CEP85L: variants seen among roughly 807,000 people sequenced by gnomAD.
The protein encoded by CEP85L is centrosomal protein 85L, also known as centrosomal protein of 85 kDa-like.
In CEP85L, 60 loss-of-function variants were observed where a neutral mutation model predicts 100.3. The observed-to-expected ratio is 0.60, with a 90% CI of 0.49 to 0.74. The LOEUF (loss-of-function observed/expected upper bound fraction) is 0.74. CEP85L is among the 30% of genes least tolerant of loss of function. The probability of loss-of-function intolerance (pLI) is 0.00; values close to 1 mark genes in which losing one functional copy is unlikely to be tolerated. For synonymous variants in CEP85L, 319 were observed against 322.7 expected (o/e 0.99, Z 0.12); for missense variants, 973 against 936.2 (o/e 1.04, Z -0.51).
In CEP85L at chr6:118,651,200, C is replaced by G. The variant is rs1020514056; in HGVS notation, c.70G>C (p.Ala24Pro). The G allele has an allele frequency of 1.3e-6, 2 of 1,495,418 alleles. No homozygotes were observed. Among genetic ancestry groups the G allele is most frequent in the Non-Finnish European group, 1.8e-6 (2 of 1,129,214 alleles). 92.6% of individuals were successfully genotyped at this position (1,495,418 alleles called of 1,614,324 possible). A position where few individuals can be genotyped will look rare whatever the true frequency, so the allele number is the denominator to read the frequency against. Reference sequence around the variant, plus strand: ...GGGGCGCTGTCCCGTTCCTTACCGGCAGGGAAGCTGCGGGCTCCGCCGGGG... The same window carrying G: ...GGGGCGCTGTCCCGTTCCTTACCGGGAGGGAAGCTGCGGGCTCCGCCGGGG... ...DSPGGARSFP[A>P]GPDYSSAWLP... Residue 24 changes from alanine (A) to proline (P), a missense_variant, in exon 1 of 13, where the codon GCC becomes CCC. Ala to Pro is a conservative substitution (Grantham distance 27). Coordinates refer to ENST00000368491, the MANE Select transcript of CEP85L (RefSeq NM_001042475.3).
At chr6:118,581,082 C>A (rs1472971651) in intron 2 of CEP85L, among the ~76,000 whole-genome samples, 1 of 152,122 alleles carries the variant, frequency 6.6e-6, no homozygotes, top group Non-Finnish European at 1.5e-5. Context: ...CTTCCTTTTG[C>A]ACTGCTAGAA....
intron 2 of CEP85L, among the ~76,000 whole-genome samples, chr6:118,622,155 C>G (rs1398025416): frequency 6.6e-6 from 1 of 152,140 alleles, no homozygotes; most frequent in African/African-American, 2.4e-5. Context: ...GCAGCAGCGG[C>G]CATCTTAGTA....
chr6:118,686,833 C>T (rs72961001), intron 1 of CEP85L, among the ~76,000 whole-genome samples: 6 of 152,314 alleles, frequency 3.9e-5, no homozygotes, highest in Non-Finnish European at 8.8e-5. Flanking sequence ...CACATGGCAA[C>T]CAGAATGGAC....
chr6:118,481,801 C>T lies in CEP85L; in HGVS notation c.1723G>A (p.Glu575Lys). The T allele has an allele frequency of 1.9e-6, 3 of 1,587,390 alleles. No homozygotes were observed. The highest frequency in any genetic ancestry group is 4.6e-5 in the East Asian group (2 of 43,588). ...TACCTCTGAACGGTAGTTACTAACTCCTTTTCTTTCTTTTTCTGGCATATT... is the reference window on the plus strand; with the variant it reads ...TACCTCTGAACGGTAGTTACTAACTTCTTTTCTTTCTTTTTCTGGCATATT... ...QLICQKKKEK[E>K]LVTTVQSLQQ... The change falls in exon 8 of 13, where the codon GAG becomes AAG. Residue 575 changes from glutamate (E) to lysine (K), a missense_variant. Glu to Lys is a moderately conservative substitution (Grantham distance 56). Around this residue, in one of 3 missense-constraint regions of CEP85L, gnomAD observed 890 missense variants for 844.5 expected, o/e 1.05. Coordinates refer to ENST00000368491, the MANE Select transcript of CEP85L (RefSeq NM_001042475.3).
At chr6:118,489,997 G>A (rs12206278) in intron 6 of CEP85L, among the ~76,000 whole-genome samples, 9 of 149,500 alleles carry the variant, frequency 6.0e-5, no homozygotes, top group Non-Finnish European at 6.0e-5. Context: ...ACACACACAC[G>A]CACACACACA....
intron 1 of CEP85L, among the ~76,000 whole-genome samples, chr6:118,669,928 T>C (rs1427232838): frequency 6.7e-6 from 1 of 149,924 alleles, no homozygotes; most frequent in Non-Finnish European, 1.5e-5. Context: ...AACTCATGTG[T>C]AAGAGGAAAG....
intron 6 of CEP85L, among the ~76,000 whole-genome samples, chr6:118,488,942 C>A (rs1774369582): frequency 6.6e-6 from 1 of 152,038 alleles, no homozygotes; most frequent in African/African-American, 2.4e-5. Context: ...ATTGTCAACC[C>A]AGAATAATGT....
At chr6:118,560,532 G>A (rs1779163926) in intron 3 of CEP85L, 1 of 166,952 alleles carries the variant, frequency 6.0e-6, no homozygotes, top group Non-Finnish European at 1.5e-5. Flanking sequence ...GGTGTGGGGA[G>A]TGGGGGAAAG....
chr6:118,517,951 C>A (rs139743799), intron 4 of CEP85L, among the ~76,000 whole-genome samples: 2 of 152,234 alleles, frequency 1.3e-5, no homozygotes, highest in East Asian at 3.9e-4. Flanking sequence ...GAAGGGGTGT[C>A]GAATTTTATC....
At chr6:118,521,489 A>G (rs191068818) in intron 4 of CEP85L, among the ~76,000 whole-genome samples, 26 of 152,302 alleles carry the variant, frequency 1.7e-4, no homozygotes, top group Non-Finnish European at 3.5e-4. Context: ...TGGGTAGGTT[A>G]TTTACTAAAA....
chr6:118,583,971 G>A (rs1423537671), intron 2 of CEP85L, among the ~76,000 whole-genome samples: 2 of 152,302 alleles, frequency 1.3e-5, no homozygotes, highest in East Asian at 1.9e-4. Flanking sequence ...GTTACATCCT[G>A]ACTGTCAATA....
At chr6:118,544,065 T>C (rs928406213) in intron 3 of CEP85L, among the ~76,000 whole-genome samples, 7 of 152,206 alleles carry the variant, frequency 4.6e-5, no homozygotes, top group Admixed American at 1.3e-4. Context: ...AAATCAGTGA[T>C]AGTGCCACCA....
intron 2 of CEP85L, among the ~76,000 whole-genome samples, chr6:118,612,639 C>T (rs1207639756): frequency 4.4e-5 from 5 of 112,372 alleles, no homozygotes; most frequent in Admixed American, 1.3e-4. Context: ...CTAGCCTGGG[C>T]GACAGAGTGA....
At chr6:118,673,445 C>G (rs1776380942) in intron 1 of CEP85L, among the ~76,000 whole-genome samples, 1 of 152,214 alleles carries the variant, frequency 6.6e-6, no homozygotes, top group African/African-American at 2.4e-5. Context: ...GTCCCACCAG[C>G]AACTGTAGAA....
chr6:118,649,736 G>GA (rs11372769), intron 1 of CEP85L, among the ~76,000 whole-genome samples: 104,789 of 150,556 alleles, frequency 0.7, 37,072 homozygotes, highest in Non-Finnish European at 0.75. Flanking sequence ...ATACAATTTA[G>GA]AAAAAAAAAA....
At chr6:118,526,267 T>C (rs1444701614) in intron 3 of CEP85L, among the ~76,000 whole-genome samples, 1 of 152,176 alleles carries the variant, frequency 6.6e-6, no homozygotes, top group Non-Finnish European at 1.5e-5. Context: ...GGTTGGTAAC[T>C]AACTGCTGTT....
intron 2 of CEP85L, among the ~76,000 whole-genome samples, chr6:118,623,174 T>C (rs1325575758): frequency 2.6e-5 from 4 of 152,178 alleles, no homozygotes; most frequent in East Asian, 1.9e-4. Flanking sequence ...ATGCGGCAGG[T>C]AGTCAAGGCC....
At chr6:118,687,921 G>A (rs1356280218) in intron 1 of CEP85L, among the ~76,000 whole-genome samples, 1 of 152,148 alleles carries the variant, frequency 6.6e-6, no homozygotes, top group African/African-American at 2.4e-5. Context: ...TCCTAATCAA[G>A]CTGAACACTA....
upstream of CEP85L, chr6:118,651,620 CG>C: frequency 2.0e-6 from 2 of 981,440 alleles, no homozygotes; most frequent in Non-Finnish European, 2.4e-6. Flanking sequence ...GAGCCAGAGC[CG>C]GGGCTGGGGC....
Sources: gnomAD v4.1 joint callset for allele counts (sites outside exome capture counted in the v4.1 genomes callset) on GRCh38, gnomAD v4.1.1 for gene constraint, gnomAD v4.1.1 regional missense constraint, MANE v1.5 for transcripts, NCBI Gene and HGNC (gene_info 2026-07-23, HGNC 2026-07-21) for gene names.